TM9SF4: variants seen among roughly 807,000 people sequenced by gnomAD.
TM9SF4 encodes dinucleotide oxidase disulfide thiol exchanger 3 superfamily member 4.
TM9SF4 carries 26 observed loss-of-function variants against 90.4 expected under a neutral mutation model. The observed-to-expected ratio is 0.29, with a 90% confidence interval of 0.21 to 0.40. The LOEUF (loss-of-function observed/expected upper bound fraction) is 0.40, where lower values mean the gene tolerates loss of function less well. Ranked by LOEUF, TM9SF4 falls within the 10% of genes least tolerant of loss-of-function variation. The pLI, the probability that TM9SF4 is intolerant of heterozygous loss-of-function variation, is 1.00. For synonymous variants in TM9SF4, 293 were observed against 315.4 expected, an observed-to-expected ratio of 0.93 and a Z score of 0.75; for missense variants, 549 against 834.8, an observed-to-expected ratio of 0.66 and a Z score of 4.22.
intron 17 of TM9SF4, among the ~76,000 whole-genome samples, chr20:32,165,018 G>C (rs2047079841): frequency 6.6e-6 from 1 of 152,164 alleles, no homozygotes; most frequent in Non-Finnish European, 1.5e-5. Flanking sequence ...TCTGGGGTCT[G>C]TGGGGGACCA....
intron 1 of TM9SF4, among the ~76,000 whole-genome samples, chr20:32,110,254 A>G (rs2046122900): frequency 6.6e-6 from 1 of 150,944 alleles, no homozygotes; most frequent in African/African-American, 2.4e-5. Flanking sequence ...CCTCACTTAC[A>G]CTCATAGCTG....
chr20:32,125,492 T>C (rs1210152831), intron 1 of TM9SF4, among the ~76,000 whole-genome samples: 1 of 152,126 alleles, frequency 6.6e-6, no homozygotes, highest in African/African-American at 2.4e-5. Flanking sequence ...AGCAGCAGCA[T>C]CTTCTGGGAA....
chr20:32,155,427 C>G (rs567100718), intron 13 of TM9SF4, among the ~76,000 whole-genome samples: 261 of 152,352 alleles, frequency 1.7e-3, no homozygotes, highest in Non-Finnish European at 2.6e-3. Context: ...GCCCACTTCT[C>G]TAAAGGGAGG....
chr20:32,165,714 C>T lies in TM9SF4; in HGVS notation c.*270C>T. 1 of 437,316 alleles carries T rather than the reference C, an allele frequency of 2.3e-6. No individual in the cohort carries two copies. Among genetic ancestry groups the T allele is most frequent in the Admixed American group, 3.6e-5 (1 of 27,890 alleles). 27.1% of individuals were successfully genotyped at this position (437,316 alleles called of 1,614,324 possible). ...AAGAAAGTTCCCTCCAACAGGAACT[C>T]TCTGACCTGTTTATTCAGGTGTATT... On this transcript the variant is annotated 3_prime_UTR_variant, in exon 18 of 18. Transcript: ENST00000398022.
intron 13 of TM9SF4, 65 bp from the exon 14 acceptor site, chr20:32,157,729 C>G: frequency 6.3e-7 from 1 of 1,582,620 alleles, no homozygotes; most frequent in South Asian, 1.2e-5. Context: ...GGTCCCCTCC[C>G]CCTTGCGCAG....
intron 1 of TM9SF4, among the ~76,000 whole-genome samples, chr20:32,113,930 C>G (rs1404476874): frequency 6.6e-6 from 1 of 152,204 alleles, no homozygotes; most frequent in East Asian, 1.9e-4. Context: ...TCTTTTGTGT[C>G]TGGCTTCTTA....
In TM9SF4 at chr20:32,146,767, C is replaced by T; in HGVS notation, c.884-18C>T. The T allele has an allele frequency of 1.9e-6, 3 of 1,613,728 alleles. No individual in the cohort carries two copies. The highest frequency in any genetic ancestry group is 4.5e-5 in the East Asian group (2 of 44,872). ...GGCAGCGCCAACTTCTCCTCATCCT[C>T]ACCGCCATCTATTTCAGGTATCCTG... On this transcript the variant is annotated intron_variant, in intron 8 of 17. Transcript: ENST00000398022.
intron 1 of TM9SF4, among the ~76,000 whole-genome samples, chr20:32,122,988 G>A (rs1188438042): frequency 6.6e-6 from 1 of 151,474 alleles, no homozygotes; most frequent in Non-Finnish European, 1.5e-5. Context: ...CCAACACAGC[G>A]AAACCCCGTC....
At chr20:32,141,216 CAAAAAAAAAA>C (rs71185383) in intron 3 of TM9SF4, among the ~76,000 whole-genome samples, 1 of 26,014 alleles carries the variant, frequency 3.8e-5, no homozygotes, top group African/African-American at 1.6e-4. Context: ...GACTCCATCT[CAAAAAAAAAA>C]AAAAAAAAAA....
chr20:32,114,157 A>T (rs1192832796), intron 1 of TM9SF4, among the ~76,000 whole-genome samples: 1 of 152,164 alleles, frequency 6.6e-6, no homozygotes, highest in African/African-American at 2.4e-5. Context: ...TTCAGTTTCC[A>T]TGGGTGTATG....
At chr20:32,149,089 T>C (rs1010451929) in intron 9 of TM9SF4, among the ~76,000 whole-genome samples, 1 of 152,210 alleles carries the variant, frequency 6.6e-6, no homozygotes, top group African/African-American at 2.4e-5. Context: ...GTTTAAAGCA[T>C]ACATATACAC....
chr20:32,130,909 G>A (rs2046500481), intron 1 of TM9SF4, among the ~76,000 whole-genome samples: 1 of 152,166 alleles, frequency 6.6e-6, no homozygotes, highest in Non-Finnish European at 1.5e-5. Context: ...GGTTATGCAG[G>A]ATGTTAGCAT....
chr20:32,130,007 A>G (rs1408393644), intron 1 of TM9SF4, among the ~76,000 whole-genome samples: 1 of 152,208 alleles, frequency 6.6e-6, no homozygotes, highest in East Asian at 1.9e-4. Flanking sequence ...AAGAGTATGT[A>G]CTTTTGGGGG....
At chr20:32,164,600 G>T (rs2047073719) in intron 17 of TM9SF4, among the ~76,000 whole-genome samples, 1 of 152,166 alleles carries the variant, frequency 6.6e-6, no homozygotes, top group Non-Finnish European at 1.5e-5. Context: ...GCTTCAAATG[G>T]TGACCTATTT....
chr20:32,109,805 G>T (rs1168925034), intron 1 of TM9SF4, 50 bp downstream of exon 1: 1 of 1,551,258 alleles, frequency 6.4e-7, no homozygotes, highest in Non-Finnish European at 8.7e-7. Context: ...GCCCTCCGGG[G>T]TATCCCAGGA....
chr20:32,158,401 C>A (rs771255925), intron 14 of TM9SF4, 50 bp from the exon 15 acceptor site: 20 of 1,593,176 alleles, frequency 1.3e-5, no homozygotes, highest in Non-Finnish European at 2.6e-6. Context: ...GAGCTTGGGG[C>A]TTCCTGGTGG....
At chr20:32,146,050 T>C (rs1322871073) in intron 8 of TM9SF4, among the ~76,000 whole-genome samples, 1 of 152,232 alleles carries the variant, frequency 6.6e-6, no homozygotes, top group Non-Finnish European at 1.5e-5. Context: ...ATGACACTGA[T>C]GGTTTCACTA....
chr20:32,109,818 T>C, intron 1 of TM9SF4, 63 bp downstream of exon 1: 1 of 1,550,646 alleles, frequency 6.4e-7, no homozygotes, highest in Non-Finnish European at 8.7e-7. Context: ...TCCCAGGATC[T>C]TCCAGCACCC....
intron 1 of TM9SF4, among the ~76,000 whole-genome samples, chr20:32,110,386 C>T (rs1432091665): frequency 3.9e-5 from 6 of 152,270 alleles, no homozygotes; most frequent in South Asian, 2.1e-4. Context: ...AACTCCCTGC[C>T]CCTCTCTTAG....
Sources: allele counts gnomAD v4.1 joint callset (sites outside exome capture counted in the v4.1 genomes callset), GRCh38; gene constraint gnomAD v4.1.1; transcripts MANE v1.5; gene names NCBI Gene and HGNC (gene_info 2026-07-23, HGNC 2026-07-21).